The following FBXL13 variants were observed in gnomAD, a reference collection of about 807,000 sequenced individuals.
FBXL13 encodes the protein F-box and leucine-rich repeat protein 13.
A neutral mutation model predicts 83.6 loss-of-function variants in FBXL13; 67 were observed. That is an observed-to-expected ratio of 0.80 (90% confidence interval 0.66 to 0.98). The LOEUF (loss-of-function observed/expected upper bound fraction) is 0.98. FBXL13 is among the 50% of genes least tolerant of loss of function. The pLI, the probability that FBXL13 is intolerant of heterozygous loss-of-function variation, is 0.00. For missense variants in FBXL13, 822 were observed against 866.5 expected (o/e 0.95, Z 0.64); for synonymous variants, 272 against 299.5 (o/e 0.91, Z 0.95).
intron 6 of FBXL13, chr7:102,973,477 T>TA: frequency 1.3e-6 from 1 of 759,998 alleles, no homozygotes; most frequent in Non-Finnish European, 2.4e-6. Flanking sequence ...CCCTGCCCCC[T>TA]ACTCATTTGG....
At chr7:102,875,028 G>A (rs1446774162) in intron 16 of FBXL13, among the ~76,000 whole-genome samples, 1 of 152,186 alleles carries the variant, frequency 6.6e-6, no homozygotes, top group African/African-American at 2.4e-5. Flanking sequence ...TCAGCCTTGT[G>A]GTAAGTGCTG....
chr7:102,906,744 G>C (rs957869939), intron 11 of FBXL13, among the ~76,000 whole-genome samples: 1 of 152,084 alleles, frequency 6.6e-6, no homozygotes, highest in Non-Finnish European at 1.5e-5. Flanking sequence ...TATGTTATTT[G>C]TTTCTTTTCT....
intron 16 of FBXL13, among the ~76,000 whole-genome samples, chr7:102,871,479 G>A (rs905602848): frequency 5.9e-5 from 9 of 151,892 alleles, no homozygotes; most frequent in South Asian, 4.2e-4. Context: ...TTGACCTCCC[G>A]GGCTCAAGTG....
At chr7:102,919,120 G>T (rs1248547390) in intron 10 of FBXL13, among the ~76,000 whole-genome samples, 3 of 152,174 alleles carry the variant, frequency 2.0e-5, no homozygotes, top group Non-Finnish European at 4.4e-5. Flanking sequence ...CACATTCAAT[G>T]ACATTGTGTT....
intron 14 of FBXL13, 109 bp from the exon 16 acceptor site, chr7:102,878,559 T>C (rs1563032372): frequency 4.6e-6 from 3 of 650,454 alleles, no homozygotes; most frequent in Admixed American, 3.3e-5. Flanking sequence ...AGCAAGGTAA[T>C]ATCTATATAC....
In FBXL13 at chr7:103,073,767, G is replaced by T. The variant is rs550351735; in HGVS notation, c.-105+479C>A. ...TCAATTACCATCCAAAAAAGAGACG[G>T]GTGGGGGGTCTCTACCAAATTGCCC... On this transcript the variant is annotated intron_variant, in intron 1 of 19. Transcript: ENST00000313221. Among the ~76,000 whole-genome samples, 48 of 152,096 alleles carry T rather than the reference G, an allele frequency of 3.2e-4. No individual in the cohort carries two copies. In the South Asian group the frequency reaches 9.8e-3, roughly 31 times the overall value.
chr7:103,025,068 A>G (rs1014506307), exon 6 of FBXL13: 1 of 1,609,024 alleles, frequency 6.2e-7, no homozygotes, highest in Non-Finnish European at 8.5e-7. Context: ...CAAACCTGTA[A>G]TATTGCTCTT....
intron 17 of FBXL13, 95 bp from the exon 19 acceptor site, chr7:102,833,069 G>C: frequency 7.5e-7 from 1 of 1,328,006 alleles, no homozygotes; most frequent in Non-Finnish European, 1.0e-6. Context: ...TTCAGTCCCT[G>C]AAATACAGAT....
At chr7:102,877,478 T>C (rs1172904592) in exon 16 of FBXL13, 1 of 1,599,660 alleles carries the variant, frequency 6.3e-7, no homozygotes, top group Admixed American at 1.8e-5. Flanking sequence ...TCATTAGAGA[T>C]GTCTGTTCCA....
chr7:102,853,541 G>T (rs1295236800), intron 17 of FBXL13, among the ~76,000 whole-genome samples: 1 of 152,122 alleles, frequency 6.6e-6, no homozygotes, highest in Non-Finnish European at 1.5e-5. Context: ...AAACTAAAGA[G>T]CTTCTGCACA....
chr7:102,929,037 TAC>T (rs1399846697), intron 9 of FBXL13, among the ~76,000 whole-genome samples: 1 of 152,240 alleles, frequency 6.6e-6, no homozygotes, highest in Non-Finnish European at 1.5e-5. Context: ...ATGCTTAGTT[TAC>T]AGTCTATGGT....
chr7:103,026,599 G>T (rs923875470), intron 5 of FBXL13, among the ~76,000 whole-genome samples: 24 of 152,206 alleles, frequency 1.6e-4, no homozygotes, highest in Non-Finnish European at 2.9e-4. Context: ...TAAACTTCTA[G>T]AGAGCATCTC....
chr7:102,824,034 G>C (rs2129445976), intron 18 of FBXL13, among the ~76,000 whole-genome samples: 1 of 152,344 alleles, frequency 6.6e-6, no homozygotes, highest in African/African-American at 2.4e-5. Flanking sequence ...GTGGAGTTCA[G>C]AGTAGCAGGT....
intron 11 of FBXL13, among the ~76,000 whole-genome samples, chr7:102,902,855 G>A (rs916840718): frequency 1.3e-5 from 2 of 152,056 alleles, no homozygotes; most frequent in African/African-American, 2.4e-5. Flanking sequence ...GTTAGGTAAT[G>A]TGATTCTTCT....
intron 8 of FBXL13, among the ~76,000 whole-genome samples, chr7:102,950,941 T>C (rs1037126239): frequency 2.6e-5 from 4 of 152,150 alleles, no homozygotes; most frequent in African/African-American, 9.7e-5. Flanking sequence ...CACCTATCAT[T>C]GTAAATTTGT....
At chr7:103,001,521 G>A (rs1367413448) in intron 6 of FBXL13, among the ~76,000 whole-genome samples, 1 of 152,206 alleles carries the variant, frequency 6.6e-6, no homozygotes, top group Non-Finnish European at 1.5e-5. Context: ...GTTTGTGAGA[G>A]TGTTGCCAGG....
chr7:103,054,251 G>A (rs552359324), intron 2 of FBXL13, among the ~76,000 whole-genome samples: 5 of 152,084 alleles, frequency 3.3e-5, no homozygotes, highest in Admixed American at 6.6e-5. Flanking sequence ...TTTTAGTGGC[G>A]TGGCAGCATG....
At chr7:102,958,414 T>G (rs866219671) in intron 8 of FBXL13, among the ~76,000 whole-genome samples, 85 of 151,944 alleles carry the variant, frequency 5.6e-4, no homozygotes, top group Middle Eastern at 3.4e-3. Flanking sequence ...AGGGATAGCA[T>G]TAGGAGAAAT....
chr7:103,046,939 A>G (rs567939550), intron 2 of FBXL13: 1 of 152,314 alleles, frequency 6.6e-6, no homozygotes, highest in Admixed American at 6.5e-5. Flanking sequence ...TCTTTCTCTG[A>G]TGTTCTCAAA....
Sources: gnomAD v4.1 joint callset for allele counts (sites outside exome capture counted in the v4.1 genomes callset) on GRCh38, gnomAD v4.1.1 for gene constraint, MANE v1.5 for transcripts, NCBI Gene and HGNC (gene_info 2026-07-23, HGNC 2026-07-21) for gene names.